The following TMPO variants were observed in gnomAD, a reference collection of about 807,000 sequenced individuals.
TMPO encodes LEM domain containing 4.
A neutral mutation model predicts 45.4 loss-of-function variants in TMPO; 22 were observed. The observed-to-expected ratio is 0.48, with a 90% CI of 0.35 to 0.69. The LOEUF is 0.69. TMPO is among the 30% of genes least tolerant of loss of function. The pLI is 0.01. For synonymous variants in TMPO, 241 were observed against 204.1 expected, an observed-to-expected ratio of 1.18 and a Z score of -1.54; for missense variants, 512 against 548.8, an observed-to-expected ratio of 0.93 and a Z score of 0.67.
At chr12:98,533,091 T>G in intron 3 of TMPO, 1 of 1,614,044 alleles carries the variant, frequency 6.2e-7, no homozygotes, top group Non-Finnish European at 8.5e-7. Context: ...ATTTGTTTAT[T>G]TCATGCAAGT....
intron 4 of TMPO, 113 bp from the exon 5 acceptor site, chr12:98,544,116 TA>T: frequency 8.5e-7 from 1 of 1,175,396 alleles, no homozygotes; most frequent in Non-Finnish European, 1.2e-6. Flanking sequence ...GCCTTGTTTG[TA>T]AATGCTGGCA....
intron 2 of TMPO, among the ~76,000 whole-genome samples, chr12:98,529,400 T>C (rs993975433): frequency 1.3e-5 from 2 of 152,026 alleles, no homozygotes; most frequent in African/African-American, 2.4e-5. Flanking sequence ...AGTCCTATCT[T>C]GATTGGAATT....
intron 2 of TMPO, among the ~76,000 whole-genome samples, chr12:98,528,358 G>T (rs1343327921): frequency 6.6e-6 from 1 of 151,142 alleles, no homozygotes; most frequent in Non-Finnish European, 1.5e-5. Flanking sequence ...CTCCCTGCAA[G>T]CTCTGCCTCC....
chr12:98,539,410 C>T (rs1319326743), intron 4 of TMPO, among the ~76,000 whole-genome samples: 2 of 150,998 alleles, frequency 1.3e-5, no homozygotes, highest in African/African-American at 2.4e-5. Flanking sequence ...AGATGTGCCA[C>T]AGTTGTCAGT....
intron 4 of TMPO, among the ~76,000 whole-genome samples, chr12:98,542,451 C>CT (rs35487542): frequency 0.49 from 67,939 of 138,258 alleles, 17,025 homozygotes; most frequent in African/African-American, 0.62. Flanking sequence ...GGGGCATTTG[C>CT]TTTTTTTTTT....
intron 7 of TMPO, among the ~76,000 whole-genome samples, chr12:98,545,996 G>A (rs549210896): frequency 2.7e-4 from 41 of 152,332 alleles, no homozygotes; most frequent in African/African-American, 8.7e-4. Flanking sequence ...GCCTCCCAAA[G>A]TGCTGGGATT....
chr12:98,527,351 CA>C (rs1175889026), intron 1 of TMPO, among the ~76,000 whole-genome samples: 46 of 100,628 alleles, frequency 4.6e-4, no homozygotes, highest in East Asian at 1.4e-3. Flanking sequence ...AAAAAAAAAA[CA>C]AAAAAAAAAA....
chr12:98,543,483 T>C (rs938514491), intron 4 of TMPO, among the ~76,000 whole-genome samples: 46 of 152,232 alleles, frequency 3.0e-4, no homozygotes, highest in Non-Finnish European at 1.0e-4. Context: ...TAAACCAGTA[T>C]GTAAGAAATG....
chr12:98,541,851 A>G (rs1877932371), intron 4 of TMPO, among the ~76,000 whole-genome samples: 1 of 152,300 alleles, frequency 6.6e-6, no homozygotes, highest in Non-Finnish European at 1.5e-5. Context: ...ATAAGTAAAT[A>G]TATAGATTTT....
At chr12:98,517,789 C>T (rs371510629) in intron 1 of TMPO, among the ~76,000 whole-genome samples, 19 of 152,316 alleles carry the variant, frequency 1.2e-4, no homozygotes, top group African/African-American at 4.1e-4. Flanking sequence ...AACAAATTTA[C>T]TTTTGAAATA....
chr12:98,524,841 A>C (rs1038632603), intron 1 of TMPO, among the ~76,000 whole-genome samples: 2 of 151,918 alleles, frequency 1.3e-5, no homozygotes, highest in Non-Finnish European at 2.9e-5. Context: ...TGATCCACCC[A>C]CCTTGGTCTC....
intron 1 of TMPO, chr12:98,516,386 GC>G: frequency 8.4e-7 from 1 of 1,197,306 alleles, no homozygotes; most frequent in Non-Finnish European, 1.0e-6. Flanking sequence ...GTGTGGAGTT[GC>G]GTTGGCGGCG....
In TMPO at chr12:98,533,806, G is replaced by A. The variant is rs1051007448; in HGVS notation, c.565+1968G>A. 4.3e-6 allele frequency: 7 copies of A among 1,614,062 alleles called. No individual in the cohort carries two copies. The highest frequency in any genetic ancestry group is 1.3e-5 in the African/African-American group (1 of 74,924). On this transcript the variant is annotated intron_variant, in intron 3 of 8. Coordinates refer to ENST00000556029, the MANE Select transcript of TMPO (RefSeq NM_001032283.3). ...AGTTGACAGGCAGCTGCCTTCACTG[G>A]CATGCAAATATCCAGTTTCTTCCAG...
rs755914522 is a variant in TMPO, at chr12:98,520,310, T to TTCCTTCCTTCC, written c.279+4164_279+4165insTCCTTCCTTCC. ...CCTTCCTTCCTTCCTTCCTTCCTTCTGTGTGTGTGAGAGATGGAGTCTCAC... is the reference window on the plus strand; with the variant it reads ...CCTTCCTTCCTTCCTTCCTTCCTTCTTCCTTCCTTCCGTGTGTGTGAGAGATGGAGTCTCAC... On this transcript the variant is annotated intron_variant, in intron 1 of 8. Transcript: ENST00000556029. Among the ~76,000 whole-genome samples the TTCCTTCCTTCC allele has an allele frequency of 7.4e-3, 738 of 99,556 alleles. 12 individuals carry two copies. The highest frequency in any genetic ancestry group is 0.021 in the African/African-American group (522 of 24,330). 65.3% of individuals were successfully genotyped at this position (99,556 alleles called of 152,430 possible).
intron 4 of TMPO, 31 bp downstream of exon 4, chr12:98,537,603 G>A: frequency 6.5e-7 from 1 of 1,528,826 alleles, no homozygotes; most frequent in Non-Finnish European, 9.0e-7. Flanking sequence ...ACCGTGTACA[G>A]GTATAAATAA....
At chr12:98,541,778 C>T (rs1877928214) in intron 4 of TMPO, among the ~76,000 whole-genome samples, 1 of 152,026 alleles carries the variant, frequency 6.6e-6, no homozygotes, top group Admixed American at 6.6e-5. Context: ...CTGTCCTTTT[C>T]CCTTCCATCT....
intron 4 of TMPO, among the ~76,000 whole-genome samples, chr12:98,543,516 G>T (rs1878048310): frequency 6.6e-6 from 1 of 152,196 alleles, no homozygotes; most frequent in African/African-American, 2.4e-5. Flanking sequence ...AAAATGATCA[G>T]TGGAACATAG....
rs76718470 is a variant in TMPO, at chr12:98,530,836, T to A, written c.407-844T>A. Among the ~76,000 whole-genome samples, 441 of 152,338 alleles carry A rather than the reference T, an allele frequency of 2.9e-3. 1 individual carries two copies. Among genetic ancestry groups the A allele is most frequent in the African/African-American group, 9.1e-3 (377 of 41,574 alleles). Reference sequence around the variant, plus strand: ...ATTACGTAGTAGTAGAGAAAATAAATGCAAGACTTCAGTCAAAAATAGTCA... The same window carrying A: ...ATTACGTAGTAGTAGAGAAAATAAAAGCAAGACTTCAGTCAAAAATAGTCA... On this transcript the variant is annotated intron_variant, in intron 2 of 8. Transcript: ENST00000556029.
intron 1 of TMPO, chr12:98,516,507 AAATGCTATAGGTT>A: frequency 3.7e-6 from 4 of 1,076,568 alleles, no homozygotes; most frequent in Non-Finnish European, 4.5e-6. Flanking sequence ...GGTGGCCCCA[AAATGCTATAGGTT>A]AAGTTCGAGC....
Sources: allele counts gnomAD v4.1 joint callset (sites outside exome capture counted in the v4.1 genomes callset), GRCh38; gene constraint gnomAD v4.1.1; transcripts MANE v1.5; gene names NCBI Gene and HGNC (gene_info 2026-07-23, HGNC 2026-07-21).